ATXN1: variants seen among roughly 807,000 people sequenced by gnomAD.
The protein encoded by ATXN1 is ataxin 1.
Under a neutral mutation model 56.4 loss-of-function variants are expected in ATXN1, and 8 were observed. The ratio of observed to expected loss-of-function variants is 0.14; its 90% CI spans 0.08 to 0.26. The LOEUF (loss-of-function observed/expected upper bound fraction) is 0.26. Ranked by LOEUF, ATXN1 falls within the 10% of genes least tolerant of loss-of-function variation. The pLI is 1.00. For missense variants in ATXN1, 987 were observed against 1,106.5 expected (o/e 0.89, Z 1.53); for synonymous variants, 514 against 494.6 (o/e 1.04, Z -0.52).
chr6:16,470,429 A>G (rs1162201546), intron 6 of ATXN1, among the ~76,000 whole-genome samples: 2 of 152,220 alleles, frequency 1.3e-5, no homozygotes, highest in Non-Finnish European at 2.9e-5. Context: ...ATATGAATGT[A>G]CAACTATACA....
chr6:16,562,717 T>TGG (rs1432735511), intron 4 of ATXN1, among the ~76,000 whole-genome samples: 2 of 151,864 alleles, frequency 1.3e-5, no homozygotes, highest in Non-Finnish European at 2.9e-5. Flanking sequence ...AAGACTTCAG[T>TGG]GGGTGGTAAT....
chr6:16,414,892 T>A (rs1014757666), intron 6 of ATXN1, among the ~76,000 whole-genome samples: 117 of 152,212 alleles, frequency 7.7e-4, no homozygotes, highest in African/African-American at 2.7e-3. Flanking sequence ...AAGTATACAA[T>A]TTAAGGATCT....
chr6:16,322,881 G>C (rs1171007040), intron 7 of ATXN1, among the ~76,000 whole-genome samples: 1 of 152,230 alleles, frequency 6.6e-6, no homozygotes, highest in Non-Finnish European at 1.5e-5. Flanking sequence ...CAAATCATTG[G>C]TTGCGTCAGG....
intron 4 of ATXN1, among the ~76,000 whole-genome samples, chr6:16,580,421 G>C (rs1762507723): frequency 6.6e-6 from 1 of 152,152 alleles, no homozygotes; most frequent in Non-Finnish European, 1.5e-5. Context: ...CTCGAGTTTT[G>C]CCCGCACTTT....
chr6:16,706,581 C>A (rs538211436), intron 2 of ATXN1, among the ~76,000 whole-genome samples: 1 of 152,006 alleles, frequency 6.6e-6, no homozygotes, highest in South Asian at 2.1e-4. Flanking sequence ...AAAAATGGTC[C>A]GTGCGTGGTA....
At chr6:16,707,621 G>A (rs182868510) in intron 2 of ATXN1, among the ~76,000 whole-genome samples, 153 of 152,310 alleles carry the variant, frequency 1.0e-3, no homozygotes, top group African/African-American at 3.6e-3. Context: ...GGTTGATGCA[G>A]CTGAGAGTTA....
At chr6:16,429,953 G>C (rs1279007585) in intron 6 of ATXN1, among the ~76,000 whole-genome samples, 1 of 152,192 alleles carries the variant, frequency 6.6e-6, no homozygotes, top group Non-Finnish European at 1.5e-5. Flanking sequence ...ACATTTTTAA[G>C]TACACGTGCC....
At chr6:16,534,172 A>T (rs773819483) in intron 4 of ATXN1, among the ~76,000 whole-genome samples, 11 of 152,084 alleles carry the variant, frequency 7.2e-5, no homozygotes, top group South Asian at 4.2e-4. Context: ...GTACATTTGA[A>T]TCATGCACTT....
intron 4 of ATXN1, among the ~76,000 whole-genome samples, chr6:16,534,698 T>TA (rs2113709799): frequency 6.6e-6 from 1 of 152,278 alleles, no homozygotes; most frequent in South Asian, 2.1e-4. Flanking sequence ...ACTTCCTACC[T>TA]AAAATAAACC....
chr6:16,341,770 C>T (rs538282714), intron 6 of ATXN1, among the ~76,000 whole-genome samples: 44 of 152,088 alleles, frequency 2.9e-4, no homozygotes, highest in Non-Finnish European at 5.3e-4. Context: ...CTGCCTGCCT[C>T]GGCCTCCCAA....
chr6:16,498,932 T>C (rs1023450210), intron 5 of ATXN1, among the ~76,000 whole-genome samples: 1 of 152,208 alleles, frequency 6.6e-6, no homozygotes, highest in Non-Finnish European at 1.5e-5. Flanking sequence ...TGCAAATATT[T>C]TCTCCCATTC....
At chr6:16,721,060 G>T (rs113816822) in intron 2 of ATXN1, among the ~76,000 whole-genome samples, 2 of 152,150 alleles carry the variant, frequency 1.3e-5, no homozygotes, top group East Asian at 3.8e-4. Flanking sequence ...CAGCTCCCCC[G>T]TTCCAAATTA....
At chr6:16,717,851 C>T (rs1484454382) in intron 2 of ATXN1, among the ~76,000 whole-genome samples, 1 of 152,224 alleles carries the variant, frequency 6.6e-6, no homozygotes, top group Non-Finnish European at 1.5e-5. Context: ...TCGCTGACAG[C>T]ATGGCTTACA....
At chr6:16,543,874 G>T (rs576749116) in intron 4 of ATXN1, among the ~76,000 whole-genome samples, 1 of 101,888 alleles carries the variant, frequency 9.8e-6, no homozygotes, top group East Asian at 3.6e-4. Flanking sequence ...CAAGGGTCTC[G>T]CAACAAAAGT....
intron 6 of ATXN1, among the ~76,000 whole-genome samples, chr6:16,434,571 G>A (rs1043854782): frequency 3.7e-4 from 57 of 152,182 alleles, no homozygotes; most frequent in African/African-American, 1.1e-3. Flanking sequence ...GTGTATTATC[G>A]GTAACAGTCC....
At chr6:16,695,795 C>CA (rs1015494110) in intron 2 of ATXN1, among the ~76,000 whole-genome samples, 4 of 152,056 alleles carry the variant, frequency 2.6e-5, no homozygotes, top group East Asian at 3.9e-4. Context: ...CCTGTCTTTA[C>CA]AAAAAATAAA....
rs576462629 is a variant in ATXN1, at chr6:16,456,370, T to C, written c.-161+29602A>G. 2.6e-5 allele frequency among the ~76,000 whole-genome samples: 4 copies of C among 152,268 alleles called. No homozygotes were observed. In the East Asian group the frequency reaches 5.8e-4, roughly 22 times the overall value. On this transcript the variant is annotated intron_variant, in intron 6 of 7. Transcript: ENST00000436367. ...CTAAAACTAGGCACCTGTCAGCCAG[T>C]TAAAAGCAACTAGCATGGCCACAGG...
At chr6:16,325,437 C>A (rs1363672782) in intron 7 of ATXN1, among the ~76,000 whole-genome samples, 1 of 151,988 alleles carries the variant, frequency 6.6e-6, no homozygotes, top group African/African-American at 2.4e-5. Context: ...GTATTGATCA[C>A]CCCAGCACCA....
At position 16,464,678 on chromosome 6, in the gene ATXN1, T is replaced by C. The variant is rs541999721; in HGVS notation, c.-161+21294A>G. On this transcript the variant is annotated intron_variant, in intron 6 of 7. Coordinates refer to ENST00000436367, the MANE Select transcript of ATXN1 (RefSeq NM_001128164.2). ...TATTGCCACATGAAAGAAGCCAATG[T>C]GAAAAGGGTACATACTGTATGATTC... is the stretch of plus-strand genomic sequence containing the variant. 7.9e-5 allele frequency among the ~76,000 whole-genome samples: 12 copies of C among 151,148 alleles called. No individual in the cohort carries two copies. In the East Asian group the frequency reaches 2.3e-3, roughly 29 times the overall value.
Sources: gnomAD v4.1 joint callset for allele counts (sites outside exome capture counted in the v4.1 genomes callset) on GRCh38, gnomAD v4.1.1 for gene constraint, MANE v1.5 for transcripts, NCBI Gene and HGNC (gene_info 2026-07-23, HGNC 2026-07-21) for gene names.